The following AP1S3 variants were observed in gnomAD, a reference collection of about 807,000 sequenced individuals.
The protein encoded by AP1S3 is AP-1 complex subunit sigma-3.
In AP1S3, 10 loss-of-function variants were observed where a neutral mutation model predicts 20.9. The observed-to-expected ratio is 0.48, with a 90% CI of 0.29 to 0.81. The LOEUF (loss-of-function observed/expected upper bound fraction) is 0.81, where lower values mean the gene tolerates loss of function less well. Among genes scored for constraint, AP1S3 ranks in the 30% least tolerant of loss-of-function variants. The pLI is 0.08. For missense variants in AP1S3, 154 were observed against 183.8 expected, an observed-to-expected ratio of 0.84 and a Z score of 0.94; for synonymous variants, 41 against 61.5, an observed-to-expected ratio of 0.67 and a Z score of 1.56.
At chr2:223,834,359 G>A (rs1230633691) in intron 1 of AP1S3, among the ~76,000 whole-genome samples, 1 of 152,098 alleles carries the variant, frequency 6.6e-6, no homozygotes. Flanking sequence ...GGGAGGACAA[G>A]GTGGGAATAT....
chr2:223,808,345 T>C (rs1559140972), intron 1 of AP1S3, among the ~76,000 whole-genome samples: 1 of 152,176 alleles, frequency 6.6e-6, no homozygotes. Context: ...CCCACTCCTC[T>C]GCGAGGGCCC....
chr2:223,819,005 T>C (rs1400575218), intron 1 of AP1S3, among the ~76,000 whole-genome samples: 1 of 152,248 alleles, frequency 6.6e-6, no homozygotes, highest in Non-Finnish European at 1.5e-5. Context: ...GTAGGGCTAA[T>C]TACCTAATAG....
intron 3 of AP1S3, among the ~76,000 whole-genome samples, chr2:223,767,017 A>T (rs949026207): frequency 6.6e-6 from 1 of 151,842 alleles, no homozygotes; most frequent in Non-Finnish European, 1.5e-5. Context: ...GAACACATGG[A>T]CACAGGGAGG....
At chr2:223,790,233 C>CT (rs373959648) in intron 1 of AP1S3, among the ~76,000 whole-genome samples, 42,819 of 140,928 alleles carry the variant, frequency 0.3, 6,807 homozygotes, top group Middle Eastern at 0.45. Context: ...TGCCTCCAGT[C>CT]TTTTTTTTTT....
intron 1 of AP1S3, among the ~76,000 whole-genome samples, chr2:223,816,643 T>C (rs1691850135): frequency 6.6e-6 from 1 of 152,216 alleles, no homozygotes; most frequent in Non-Finnish European, 1.5e-5. Flanking sequence ...CCTGAGGTTG[T>C]CCCAGCATCC....
chr2:223,789,249 TC>T (rs1285939263), intron 1 of AP1S3, among the ~76,000 whole-genome samples: 19 of 152,038 alleles, frequency 1.2e-4, no homozygotes, highest in Admixed American at 1.2e-3. Context: ...AAGATGAAGT[TC>T]CTATGTCAAT....
chr2:223,796,602 C>T lies in AP1S3; in HGVS notation c.4-18733G>A, dbSNP rs148256072. Among the ~76,000 whole-genome samples the T allele has an allele frequency of 4.0e-4, 61 of 152,192 alleles. No individual in the cohort carries two copies. The East Asian group carries it at 9.1e-3, about 23-fold the overall frequency. ...TCTGATCATGTATTTATTCAAGTTC[C>T]CTGTAAGGTGTTTACTTCAGGGTTC... On this transcript the variant is annotated intron_variant, in intron 1 of 4. Transcript: ENST00000396654.
At chr2:223,799,266 G>A (rs1293378363) in intron 1 of AP1S3, among the ~76,000 whole-genome samples, 1 of 148,940 alleles carries the variant, frequency 6.7e-6, no homozygotes, top group African/African-American at 2.4e-5. Context: ...CCACATGAAG[G>A]TGAAGGCAGA....
Position 223,758,501 on chromosome 2 carries a change from T to C in AP1S3, c.*214A>G, listed in dbSNP as rs1012151885. ...AAACATTTAGAGCTACAAGTACCTA[T>C]ACAGTATAACACAGACACATAATTT... On this transcript the variant is annotated 3_prime_UTR_variant, in exon 5 of 5. Coordinates refer to ENST00000396654, the MANE Select transcript of AP1S3 (RefSeq NM_001039569.2). 11 of 1,233,002 alleles carry C rather than the reference T, an allele frequency of 8.9e-6. No individual in the cohort carries two copies. Among genetic ancestry groups the C allele is most frequent in the East Asian group, 6.6e-5 (2 of 30,424 alleles). 76.4% of individuals were successfully genotyped at this position (1,233,002 alleles called of 1,614,324 possible).
intron 1 of AP1S3, among the ~76,000 whole-genome samples, chr2:223,820,012 T>C (rs1271794489): frequency 1.3e-5 from 2 of 152,202 alleles, no homozygotes; most frequent in African/African-American, 4.8e-5. Flanking sequence ...GATTTATGTG[T>C]AAAAGAGTTT....
At chr2:223,827,133 A>G (rs968269197) in intron 1 of AP1S3, among the ~76,000 whole-genome samples, 7 of 152,230 alleles carry the variant, frequency 4.6e-5, no homozygotes, top group East Asian at 1.9e-4. Context: ...CCCTTCCCCC[A>G]TAGTTTTTGC....
intron 1 of AP1S3, among the ~76,000 whole-genome samples, chr2:223,802,021 C>A (rs1691479393): frequency 6.6e-6 from 1 of 152,182 alleles, no homozygotes; most frequent in South Asian, 2.1e-4. Context: ...GGCCATCTAA[C>A]TAGTTTAGCT....
Position 223,765,319 on chromosome 2 carries a change from T to C in AP1S3, c.323A>G (p.Glu108Gly). 1 of 1,613,266 alleles carries C rather than the reference T, an allele frequency of 6.2e-7. No homozygotes were observed. Among genetic ancestry groups the C allele is most frequent in the Non-Finnish European group, 8.5e-7 (1 of 1,179,854 alleles). The change falls in exon 4 of 5, where the codon GAA becomes GGA. Residue 108 changes from glutamate (E) to glycine (G), a missense_variant. Physicochemically the swap from Glu to Gly is moderately conservative, Grantham distance 98 (BLOSUM62 -2). Coordinates refer to ENST00000396654, the MANE Select transcript of AP1S3 (RefSeq NM_001039569.2). ...VCELDIIFNF[E>G]KAYFILDEFI... ...CTCGTCCAGGATGAAATAAGCCTTT[T>C]CAAAATTAAAGATAATATCCAGCTC...
intron 1 of AP1S3, among the ~76,000 whole-genome samples, chr2:223,793,691 T>C (rs929187727): frequency 6.6e-6 from 1 of 152,120 alleles, no homozygotes; most frequent in Admixed American, 6.6e-5. Context: ...AAGTATATAA[T>C]ACATTATTAT....
intron 2 of AP1S3, 90 bp downstream of exon 2, chr2:223,777,601 G>A (rs1298936363): frequency 1.7e-6 from 2 of 1,144,602 alleles, no homozygotes; most frequent in African/African-American, 3.1e-5. Flanking sequence ...TTCAGTAAAT[G>A]ATGGAATTGG....
Position 223,800,640 on chromosome 2 carries a change from A to G in AP1S3, c.4-22771T>C, listed in dbSNP as rs573945424. On this transcript the variant is annotated intron_variant, in intron 1 of 4. Transcript: ENST00000396654. ...AAGCATTTGAGAAAACTGAACATCA[A>G]TTCATGATAAAACTTCTTAGCAAAC... Among the ~76,000 whole-genome samples the G allele has an allele frequency of 3.3e-5, 5 of 152,314 alleles. No homozygotes were observed. The East Asian group carries it at 9.6e-4, about 29-fold the overall frequency.
intron 1 of AP1S3, among the ~76,000 whole-genome samples, chr2:223,816,424 C>T (rs759028425): frequency 3.9e-5 from 6 of 152,042 alleles, no homozygotes; most frequent in East Asian, 1.9e-4. Context: ...GCCAGGTTTC[C>T]GGGCCATGAA....
intron 1 of AP1S3, among the ~76,000 whole-genome samples, chr2:223,818,543 A>G (rs539792125): frequency 3.3e-5 from 5 of 152,052 alleles, no homozygotes; most frequent in Non-Finnish European, 5.9e-5. Context: ...AAAGACCCAG[A>G]AACGTTAGCA....
intron 4 of AP1S3, among the ~76,000 whole-genome samples, chr2:223,762,548 C>A (rs1392293324): frequency 6.6e-6 from 1 of 152,158 alleles, no homozygotes; most frequent in Non-Finnish European, 1.5e-5. Flanking sequence ...GTTGGGCTTA[C>A]AGACGTGAGC....
Sources: allele counts gnomAD v4.1 joint callset (sites outside exome capture counted in the v4.1 genomes callset), GRCh38; gene constraint gnomAD v4.1.1; transcripts MANE v1.5; gene names NCBI Gene and HGNC (gene_info 2026-07-23, HGNC 2026-07-21).